The following PLEKHA5 variants were observed in gnomAD, a reference collection of about 807,000 sequenced individuals.
PLEKHA5 encodes pleckstrin homology domain-containing family A member 5.
PLEKHA5 carries 55 observed loss-of-function variants against 181.9 expected under a neutral mutation model. The ratio of observed to expected loss-of-function variants is 0.30; its 90% confidence interval spans 0.24 to 0.38. PLEKHA5 has a LOEUF of 0.38. Among genes scored for constraint, PLEKHA5 ranks in the 10% least tolerant of loss-of-function variants. The pLI is 1.00. For missense variants in PLEKHA5, 1,432 were observed against 1,549.5 expected (o/e 0.92, Z 1.27); for synonymous variants, 535 against 529.4 (o/e 1.01, Z -0.15).
chr12:19,231,458 A>G (rs980521992), intron 3 of PLEKHA5, among the ~76,000 whole-genome samples: 13 of 120,514 alleles, frequency 1.1e-4, no homozygotes, highest in African/African-American at 3.6e-4. Context: ...GTCCATTTTA[A>G]GAAATGTATA....
At chr12:19,252,669 TTTG>T (rs2065668153) in intron 3 of PLEKHA5, among the ~76,000 whole-genome samples, 1 of 152,256 alleles carries the variant, frequency 6.6e-6, no homozygotes, top group African/African-American at 2.4e-5. Context: ...TTTCTTTGTT[TTTG>T]TTGTTGTTTC....
At chr12:19,355,369 A>G (rs571116118) in intron 26 of PLEKHA5, among the ~76,000 whole-genome samples, 37 of 136,548 alleles carry the variant, frequency 2.7e-4, no homozygotes, top group African/African-American at 6.7e-4. Flanking sequence ...TTTTTTTTCA[A>G]TGGATAGGGT....
chr12:19,269,508 CT>C (rs11285432), intron 8 of PLEKHA5, among the ~76,000 whole-genome samples: 121,016 of 143,478 alleles, frequency 0.84, 52,420 homozygotes, highest in Non-Finnish European at 0.96. Context: ...TCCATGCACT[CT>C]TTTTTTTTTT....
At chr12:19,298,406 A>T (rs1238585151) in intron 15 of PLEKHA5, among the ~76,000 whole-genome samples, 66 of 128,686 alleles carry the variant, frequency 5.1e-4, no homozygotes, top group African/African-American at 1.8e-3. Flanking sequence ...CTATTTTTTT[A>T]GCTTTTTTTT....
chr12:19,253,871 A>T, intron 3 of PLEKHA5, 69 bp from the exon 4 acceptor site: 1 of 914,846 alleles, frequency 1.1e-6, no homozygotes, highest in Admixed American at 2.1e-5. Flanking sequence ...TTTGTAGACT[A>T]ATGTTACAAT....
intron 11 of PLEKHA5, among the ~76,000 whole-genome samples, chr12:19,282,594 A>G (rs1275802435): frequency 1.3e-5 from 2 of 152,224 alleles, no homozygotes; most frequent in Non-Finnish European, 2.9e-5. Context: ...AACTCACTTC[A>G]TATTTCATCC....
intron 7 of PLEKHA5, among the ~76,000 whole-genome samples, chr12:19,263,447 C>T (rs2069208059): frequency 6.6e-6 from 1 of 152,170 alleles, no homozygotes; most frequent in Non-Finnish European, 1.5e-5. Context: ...CAGATATCCT[C>T]TTCACTTAAA....
At chr12:19,269,962 A>G in intron 9 of PLEKHA5, 77 bp downstream of exon 9, 1 of 765,240 alleles carries the variant, frequency 1.3e-6, no homozygotes, top group Non-Finnish European at 2.2e-6. Flanking sequence ...TCACTGTCAT[A>G]GTACATATCA....
At chr12:19,345,231 C>G (rs987974260) in intron 22 of PLEKHA5, among the ~76,000 whole-genome samples, 1 of 151,676 alleles carries the variant, frequency 6.6e-6, no homozygotes, top group Non-Finnish European at 1.5e-5. Context: ...GAGACCCCAT[C>G]TCTACTAAAA....
chr12:19,289,471 C>G (rs371822023), intron 13 of PLEKHA5, among the ~76,000 whole-genome samples: 212 of 149,864 alleles, frequency 1.4e-3, no homozygotes, highest in Middle Eastern at 3.9e-3. Flanking sequence ...ACTTTTTAGC[C>G]TGGAATTTTT....
At chr12:19,301,815 T>C (rs534015085) in intron 15 of PLEKHA5, among the ~76,000 whole-genome samples, 4 of 152,194 alleles carry the variant, frequency 2.6e-5, no homozygotes, top group Non-Finnish European at 5.9e-5. Context: ...CTTATTTACA[T>C]TCTTCTGTTA....
rs1266374239 is a variant in PLEKHA5 at position 19,359,434 on chromosome 12, A to C, written c.3371A>C (p.Glu1124Ala). The C allele has an allele frequency of 3.1e-6, 5 of 1,613,612 alleles. No individual in the cohort carries two copies. The highest frequency in any genetic ancestry group is 3.3e-5 in the Admixed American group (2 of 60,002). The change falls in exon 28 of 32, where the codon GAA becomes GCA. Residue 1124 changes from glutamate to alanine, a missense_variant. By Grantham distance (107) the Glu-to-Ala change is moderately radical. Transcript: ENST00000429027. The stretch of plus-strand genomic sequence containing the variant: ...CAGACTCGAAGGAGGGATGATAAGG[A>C]ACTGGACACTGCCATTAGAGAAAAT... The part of the protein sequence containing the change: ...TTQTRRRDDK[E>A]LDTAIRENDV...
At chr12:19,169,445 C>G (rs1428627687) in intron 3 of PLEKHA5, among the ~76,000 whole-genome samples, 1 of 152,120 alleles carries the variant, frequency 6.6e-6, no homozygotes, top group Non-Finnish European at 1.5e-5. Flanking sequence ...GTTGGCTCTG[C>G]CCACCAGTGG....
chr12:19,307,051 G>A, intron 15 of PLEKHA5: 4 of 1,454,230 alleles, frequency 2.8e-6, no homozygotes, highest in Non-Finnish European at 3.8e-6. Flanking sequence ...GCTTCCTGGA[G>A]CAAACTTGAA....
chr12:19,144,762 G>C (rs554995541), intron 3 of PLEKHA5, among the ~76,000 whole-genome samples: 1 of 152,280 alleles, frequency 6.6e-6, no homozygotes, highest in Non-Finnish European at 1.5e-5. Flanking sequence ...TTTAGGTGAG[G>C]AAGTGGATAT....
intron 15 of PLEKHA5, chr12:19,306,630 G>T (rs2083792552): frequency 1.8e-6 from 2 of 1,112,310 alleles, no homozygotes; most frequent in African/African-American, 1.6e-5. Flanking sequence ...GGCGGTGGAG[G>T]CGGCGGCATC....
intron 3 of PLEKHA5, among the ~76,000 whole-genome samples, chr12:19,230,034 A>G (rs908720509): frequency 2.6e-5 from 4 of 152,108 alleles, no homozygotes; most frequent in Admixed American, 2.0e-4. Flanking sequence ...CCAAGTCCGC[A>G]CCAGATTAGC....
intron 3 of PLEKHA5, among the ~76,000 whole-genome samples, chr12:19,238,360 C>T (rs1248205711): frequency 2.0e-5 from 3 of 152,028 alleles, no homozygotes; most frequent in Non-Finnish European, 4.4e-5. Flanking sequence ...TAGGAATTAA[C>T]ACTAACTGCT....
intron 15 of PLEKHA5, among the ~76,000 whole-genome samples, chr12:19,295,365 A>G (rs2079494233): frequency 6.6e-6 from 1 of 152,178 alleles, no homozygotes; most frequent in Admixed American, 6.5e-5. Flanking sequence ...CTAACAGAAT[A>G]TAATAGGGAT....
Sources: allele counts gnomAD v4.1 joint callset (sites outside exome capture counted in the v4.1 genomes callset), GRCh38; gene constraint gnomAD v4.1.1; transcripts MANE v1.5; gene names NCBI Gene and HGNC (gene_info 2026-07-23, HGNC 2026-07-21).